Variants in EPB41L2 observed in about 807,000 individuals in gnomAD.
EPB41L2 encodes the protein band 4.1-like protein 2.
EPB41L2 carries 43 observed loss-of-function variants against 113.0 expected under a neutral mutation model. The observed-to-expected ratio is 0.38, with a 90% confidence interval of 0.30 to 0.49. The LOEUF is 0.49. Ranked by LOEUF, EPB41L2 falls within the 20% of genes least tolerant of loss-of-function variation. EPB41L2 has a pLI of 0.95. For missense variants in EPB41L2, 1,147 were observed against 1,223.4 expected, an observed-to-expected ratio of 0.94 and a Z score of 0.93; for synonymous variants, 442 against 436.7, an observed-to-expected ratio of 1.01 and a Z score of -0.15.
intron 12 of EPB41L2, chr6:130,882,633 C>G (rs1789683687): frequency 6.6e-6 from 1 of 152,620 alleles, no homozygotes; most frequent in Non-Finnish European, 1.5e-5. Flanking sequence ...AGGGAAAAGG[C>G]AAGAGAAAAA....
chr6:131,049,440 T>G (rs1796114879), intron 1 of EPB41L2, among the ~76,000 whole-genome samples: 1 of 152,224 alleles, frequency 6.6e-6, no homozygotes, highest in Non-Finnish European at 1.5e-5. Flanking sequence ...AAGTTTTCCT[T>G]TTTCTCTTTA....
At chr6:130,889,182 T>A (rs1420524046) in intron 11 of EPB41L2, among the ~76,000 whole-genome samples, 1 of 151,744 alleles carries the variant, frequency 6.6e-6, no homozygotes, top group Non-Finnish European at 1.5e-5. Context: ...TATATATATA[T>A]TTTAGTTCAA....
intron 3 of EPB41L2, among the ~76,000 whole-genome samples, chr6:130,953,182 T>C (rs1042646819): frequency 6.6e-6 from 1 of 151,838 alleles, no homozygotes; most frequent in African/African-American, 2.4e-5. Context: ...ACAAGGGACA[T>C]GCAATCAAAT....
At chr6:130,965,438 G>T (rs1774837273) in intron 1 of EPB41L2, among the ~76,000 whole-genome samples, 2 of 151,966 alleles carry the variant, frequency 1.3e-5, no homozygotes, top group South Asian at 2.1e-4. Context: ...ATGATTTTTG[G>T]AGAGGACTAA....
intron 11 of EPB41L2, among the ~76,000 whole-genome samples, chr6:130,887,226 A>G (rs1490894105): frequency 2.0e-5 from 3 of 152,198 alleles, no homozygotes; most frequent in African/African-American, 4.8e-5. Flanking sequence ...TTTGAAGCCG[A>G]TACATTTATT....
chr6:130,972,394 A>T (rs1777057882), intron 1 of EPB41L2, among the ~76,000 whole-genome samples: 1 of 151,596 alleles, frequency 6.6e-6, no homozygotes, highest in Non-Finnish European at 1.5e-5. Context: ...CTATCATATG[A>T]CTCTAAAGAA....
intron 1 of EPB41L2, among the ~76,000 whole-genome samples, chr6:130,965,108 G>A (rs957192293): frequency 6.6e-6 from 1 of 152,220 alleles, no homozygotes; most frequent in African/African-American, 2.4e-5. Flanking sequence ...CCATCAGGAT[G>A]TGAGTGGGGT....
intron 1 of EPB41L2, among the ~76,000 whole-genome samples, chr6:130,966,506 T>C (rs928395226): frequency 8.0e-5 from 7 of 88,044 alleles, no homozygotes; most frequent in South Asian, 5.3e-4. Context: ...CGAATATGCA[T>C]ATGTGAATAT....
intron 1 of EPB41L2, among the ~76,000 whole-genome samples, chr6:131,002,691 T>A (rs1784616348): frequency 6.6e-6 from 1 of 152,250 alleles, no homozygotes; most frequent in African/African-American, 2.4e-5. Context: ...CAGATATGAC[T>A]GTGTGTTTTT....
rs757528439 is a variant in EPB41L2 at position 131,029,391 on chromosome 6, TAAA to T, written c.-15+33761_-15+33763del. ...CACCCACCCTACTTCAGCATTTGTT[TAAA>T]AAAAAAAAAAAAAAAAAAAAGCATG... On this transcript the variant is annotated intron_variant, in intron 1 of 19. Coordinates refer to ENST00000337057, the MANE Select transcript of EPB41L2 (RefSeq NM_001431.4). Among the ~76,000 whole-genome samples the T allele has an allele frequency of 1.2e-3, 146 of 119,454 alleles. 2 individuals are homozygous for T. Among genetic ancestry groups the T allele is most frequent in the South Asian group, 5.9e-3 (22 of 3,736 alleles). 78.4% of individuals were successfully genotyped at this position (119,454 alleles called of 152,430 possible).
intron 1 of EPB41L2, among the ~76,000 whole-genome samples, chr6:131,056,066 A>G (rs1206594107): frequency 6.6e-6 from 1 of 152,220 alleles, no homozygotes; most frequent in East Asian, 1.9e-4. Context: ...TAATTTTTCT[A>G]GCCTAAAATA....
At chr6:130,921,410 A>G (rs757039248) in intron 4 of EPB41L2, among the ~76,000 whole-genome samples, 2 of 152,178 alleles carry the variant, frequency 1.3e-5, no homozygotes, top group Non-Finnish European at 2.9e-5. Flanking sequence ...ATCTAAGTTA[A>G]AACAGTGTGC....
At chr6:130,854,962 G>A (rs554815688) in intron 19 of EPB41L2, among the ~76,000 whole-genome samples, 21 of 152,160 alleles carry the variant, frequency 1.4e-4, no homozygotes, top group South Asian at 6.2e-4. Context: ...TGCTTGAACC[G>A]AGGAGGCAGA....
chr6:131,047,565 C>T (rs962926498), intron 1 of EPB41L2, among the ~76,000 whole-genome samples: 2 of 152,150 alleles, frequency 1.3e-5, no homozygotes, highest in African/African-American at 2.4e-5. Flanking sequence ...AAAAGCACTT[C>T]GACCATTAAG....
At chr6:130,863,304 T>C (rs1782721970) in intron 18 of EPB41L2, among the ~76,000 whole-genome samples, 1 of 152,242 alleles carries the variant, frequency 6.6e-6, no homozygotes, top group South Asian at 2.1e-4. Context: ...TTTTGGAAAC[T>C]GGTGCATTGA....
intron 1 of EPB41L2, among the ~76,000 whole-genome samples, chr6:131,018,028 T>C (rs1198446477): frequency 6.6e-6 from 1 of 152,190 alleles, no homozygotes; most frequent in Non-Finnish European, 1.5e-5. Flanking sequence ...CCTTGTAGCA[T>C]ATAGGCTATT....
rs528133295 is a variant in EPB41L2, at chr6:130,981,136, G to A, written c.-14-24637C>T. 2.3e-4 allele frequency among the ~76,000 whole-genome samples: 35 copies of A among 152,018 alleles called. No homozygotes were observed. The East Asian group carries it at 5.4e-3, about 24-fold the overall frequency. Reference sequence around the variant, plus strand: ...ATAAACATATGGCTTAAAACAGGCCGAACAATTTTCAATATGAGAAGTCAT... The same window carrying A: ...ATAAACATATGGCTTAAAACAGGCCAAACAATTTTCAATATGAGAAGTCAT... On this transcript the variant is annotated intron_variant, in intron 1 of 19. Coordinates refer to ENST00000337057, the MANE Select transcript of EPB41L2 (RefSeq NM_001431.4).
chr6:130,968,584 G>A (rs572987219), intron 1 of EPB41L2, among the ~76,000 whole-genome samples: 2 of 152,234 alleles, frequency 1.3e-5, no homozygotes, highest in East Asian at 3.9e-4. Context: ...GTTGGCCCCA[G>A]TCCACTGGCT....
At chr6:130,930,817 AAT>A (rs71758140) in intron 3 of EPB41L2, among the ~76,000 whole-genome samples, 64,275 of 151,860 alleles carry the variant, frequency 0.42, 16,118 homozygotes, top group Non-Finnish European at 0.53. Context: ...CAAAACACAA[AAT>A]ATATATGTTT....
Sources: allele counts gnomAD v4.1 joint callset (sites outside exome capture counted in the v4.1 genomes callset), GRCh38; gene constraint gnomAD v4.1.1; transcripts MANE v1.5; gene names NCBI Gene and HGNC (gene_info 2026-07-23, HGNC 2026-07-21).